The following PAK3 variants were observed in gnomAD, a reference collection of about 807,000 sequenced individuals.
PAK3 encodes serine/threonine-protein kinase PAK 3.
In PAK3, 4 loss-of-function variants were observed where a neutral mutation model predicts 41.0. The ratio of observed to expected loss-of-function variants is 0.10; its 90% confidence interval spans 0.05 to 0.22. PAK3 has a LOEUF of 0.22. Ranked by LOEUF, PAK3 falls within the 10% of genes least tolerant of loss-of-function variation. PAK3 has a pLI of 1.00. For missense variants in PAK3, 205 were observed against 409.9 expected, an observed-to-expected ratio of 0.50 and a Z score of 4.32; for synonymous variants, 146 against 139.6, an observed-to-expected ratio of 1.05 and a Z score of -0.32.
Position 111,223,912 on chromosome X carries a change from G to A in PAK3, c.*3465G>A, listed in dbSNP as rs2094940024. The A allele has an allele frequency of 9.0e-6, 1 of 111,618 alleles. No individual in the cohort carries two copies. The highest frequency in any genetic ancestry group is 1.9e-5 in the Non-Finnish European group (1 of 53,143). The allele number at this position is 111,618 out of a possible 1,213,427, so 9.2% of individuals were successfully genotyped here. A position where few individuals can be genotyped will look rare whatever the true frequency, so the allele number is the denominator to read the frequency against. Reference sequence around the variant, plus strand: ...AACACAGATAATTGAAATCAGTTGTGTTAGGGTGGTGGAATTATGTGAATT... The same window carrying A: ...AACACAGATAATTGAAATCAGTTGTATTAGGGTGGTGGAATTATGTGAATT... On this transcript the variant is annotated 3_prime_UTR_variant, in exon 18 of 18. Coordinates refer to ENST00000372007, the MANE Select transcript of PAK3 (RefSeq NM_002578.5).
At chrX:111,005,364 C>A (rs1246161035) in intron 1 of PAK3, among the ~76,000 whole-genome samples, 1 of 111,490 alleles carries the variant, frequency 9.0e-6, no homozygotes, top group African/African-American at 3.3e-5. Flanking sequence ...CCTTTGTCTG[C>A]TAAGGGATGG....
chrX:111,115,395 G>T (rs1449808570), intron 4 of PAK3, among the ~76,000 whole-genome samples: 1 of 111,316 alleles, frequency 9.0e-6, no homozygotes, highest in Non-Finnish European at 1.9e-5. Context: ...CAAAACATTT[G>T]TCTGGTGGGC....
chrX:111,015,815 G>T (rs745457364), intron 1 of PAK3, among the ~76,000 whole-genome samples: 1 of 111,808 alleles, frequency 8.9e-6, no homozygotes, highest in South Asian at 3.7e-4. Context: ...TGTTGTTGTT[G>T]CTGTTGCTGT....
chrX:111,089,976 A>T (rs1197311807), intron 1 of PAK3, among the ~76,000 whole-genome samples: 5 of 110,749 alleles, frequency 4.5e-5, no homozygotes, highest in Non-Finnish European at 9.4e-5. Flanking sequence ...CTTAGTAGGA[A>T]CTGAATAAGT....
At chrX:111,123,551 A>G (rs889766897) in intron 5 of PAK3, among the ~76,000 whole-genome samples, 1 of 112,741 alleles carries the variant, frequency 8.9e-6, no homozygotes, top group Non-Finnish European at 1.9e-5. Context: ...ACTGTCTTGA[A>G]TATATCAACA....
intron 6 of PAK3, chrX:111,146,506 T>C (rs1488993173): frequency 9.2e-7 from 1 of 1,091,152 alleles, no homozygotes; most frequent in African/African-American, 1.8e-5. Context: ...CTTTCTTTAT[T>C]TACGTCCATT....
intron 4 of PAK3, among the ~76,000 whole-genome samples, chrX:111,119,177 G>A (rs1014772650): frequency 1.3e-4 from 15 of 111,708 alleles, no homozygotes; most frequent in Non-Finnish European, 5.7e-5. Flanking sequence ...TGAAACAAGA[G>A]GCTTATGTCT....
chrX:111,191,763 A>G (rs1375378719), intron 11 of PAK3, among the ~76,000 whole-genome samples: 1 of 111,942 alleles, frequency 8.9e-6, no homozygotes, highest in Non-Finnish European at 1.9e-5. Flanking sequence ...GGAGTTTCCT[A>G]AAAGAAGCAA....
intron 1 of PAK3, among the ~76,000 whole-genome samples, chrX:111,012,112 T>C (rs960035513): frequency 2.7e-5 from 3 of 111,470 alleles, no homozygotes; most frequent in Non-Finnish European, 5.7e-5. Context: ...TAACTAATTA[T>C]AATATGGTAA....
upstream of PAK3, among the ~76,000 whole-genome samples, chrX:111,093,469 G>C (rs192265719): frequency 2.7e-5 from 3 of 111,769 alleles, no homozygotes; most frequent in East Asian, 8.5e-4. Context: ...ATGGTGAGTT[G>C]AGGGGAAAAA....
chrX:111,119,566 A>G (rs1302757740), intron 4 of PAK3, among the ~76,000 whole-genome samples: 1 of 111,992 alleles, frequency 8.9e-6, no homozygotes, highest in East Asian at 2.8e-4. Context: ...TAGAGCCTAC[A>G]GCCGCCCAAA....
chrX:111,177,912 T>C (rs1020983851), intron 11 of PAK3, among the ~76,000 whole-genome samples: 1 of 111,767 alleles, frequency 8.9e-6, no homozygotes, highest in Non-Finnish European at 1.9e-5. Flanking sequence ...TTCAGGTTCA[T>C]ATTGTCTTTT....
At chrX:111,069,406 T>C (rs1326762419) in intron 1 of PAK3, among the ~76,000 whole-genome samples, 1 of 111,902 alleles carries the variant, frequency 8.9e-6, no homozygotes, top group Admixed American at 9.5e-5. Flanking sequence ...TAGTTAGTTT[T>C]TCTTCCAGTT....
intron 4 of PAK3, among the ~76,000 whole-genome samples, chrX:111,113,318 T>A (rs1293040034): frequency 9.0e-6 from 1 of 111,634 alleles, no homozygotes; most frequent in Non-Finnish European, 1.9e-5. Flanking sequence ...GACTAGAAGC[T>A]CTTTGAAGAT....
intron 7 of PAK3, 114 bp from the exon 8 acceptor site, chrX:111,152,296 G>A (rs770834247): frequency 1.3e-5 from 7 of 535,732 alleles, no homozygotes; most frequent in Non-Finnish European, 2.3e-5. Context: ...CTAAATTGGA[G>A]CATTTCCTTC....
At position 111,220,617 on chromosome X, in the gene PAK3, T is replaced by C. The variant is rs911259309; in HGVS notation, c.*170T>C. On this transcript the variant is annotated 3_prime_UTR_variant, in exon 18 of 18. Coordinates refer to ENST00000372007, the MANE Select transcript of PAK3 (RefSeq NM_002578.5). ...TCCTACTCCCTCAGATTATGTAATT[T>C]ATTTGTAAGCCTGAATCGCAGCCCA... 1.7e-5 allele frequency: 8 copies of C among 473,747 alleles called. No homozygotes were observed. The highest frequency in any genetic ancestry group is 3.0e-5 in the Non-Finnish European group (8 of 266,951). 39.0% of individuals were successfully genotyped at this position (473,747 alleles called of 1,213,427 possible).
intron 11 of PAK3, among the ~76,000 whole-genome samples, chrX:111,190,154 T>G (rs1291612892): frequency 9.0e-6 from 1 of 111,104 alleles, no homozygotes; most frequent in East Asian, 2.8e-4. Flanking sequence ...CACCTATTGA[T>G]TAAGTGTGAT....
chrX:111,205,689 G>A (rs1002725176), intron 16 of PAK3, among the ~76,000 whole-genome samples: 14 of 111,169 alleles, frequency 1.3e-4, no homozygotes, highest in Non-Finnish European at 3.8e-5. Context: ...GGGACACAAG[G>A]TTCCTCACTC....
At chrX:111,091,096 C>CT (rs1203648512) in intron 1 of PAK3, among the ~76,000 whole-genome samples, 1 of 111,692 alleles carries the variant, frequency 9.0e-6, no homozygotes, top group Non-Finnish European at 1.9e-5. Flanking sequence ...AGGAGAGGAA[C>CT]TTTCTAATTC....
Sources: allele counts gnomAD v4.1 joint callset (sites outside exome capture counted in the v4.1 genomes callset), GRCh38; gene constraint gnomAD v4.1.1; transcripts MANE v1.5; gene names NCBI Gene and HGNC (gene_info 2026-07-23, HGNC 2026-07-21).